CPNE8: variants seen among roughly 807,000 people sequenced by gnomAD.
The protein encoded by CPNE8 is copine 8, also known as copine-8.
A neutral mutation model predicts 81.5 loss-of-function variants in CPNE8; 45 were observed. That is an observed-to-expected ratio of 0.55 (90% CI 0.44 to 0.71). The LOEUF (loss-of-function observed/expected upper bound fraction) is 0.71, where lower values mean the gene tolerates loss of function less well. CPNE8 is among the 30% of genes least tolerant of loss of function. CPNE8 has a pLI of 0.00. For synonymous variants in CPNE8, 252 were observed against 226.3 expected, an observed-to-expected ratio of 1.11 and a Z score of -1.02; for missense variants, 594 against 672.1, an observed-to-expected ratio of 0.88 and a Z score of 1.28.
chr12:38,870,292 A>G (rs1318154982), intron 3 of CPNE8, among the ~76,000 whole-genome samples: 2 of 152,234 alleles, frequency 1.3e-5, no homozygotes, highest in Non-Finnish European at 2.9e-5. Context: ...TACTGGATAT[A>G]TACCCAAAGG....
chr12:38,799,572 T>C (rs937612245), intron 6 of CPNE8, among the ~76,000 whole-genome samples: 3 of 152,020 alleles, frequency 2.0e-5, no homozygotes, highest in East Asian at 1.9e-4. Context: ...TTTATAGCAC[T>C]AAATGCCCAC....
At chr12:38,878,607 G>A (rs750885992) in intron 1 of CPNE8, among the ~76,000 whole-genome samples, 1 of 152,150 alleles carries the variant, frequency 6.6e-6, no homozygotes, top group African/African-American at 2.4e-5. Context: ...AGTAGTTACT[G>A]AGTAGCCAAT....
At chr12:38,718,179 A>G (rs1039943811) in intron 13 of CPNE8, among the ~76,000 whole-genome samples, 3 of 152,166 alleles carry the variant, frequency 2.0e-5, no homozygotes, top group African/African-American at 7.2e-5. Flanking sequence ...CAGTGTCATC[A>G]GAGGGCATAA....
intron 13 of CPNE8, among the ~76,000 whole-genome samples, chr12:38,709,603 A>AC (rs1940197968): frequency 6.6e-6 from 1 of 152,186 alleles, no homozygotes; most frequent in African/African-American, 2.4e-5. Context: ...AAGGCCCATT[A>AC]AGTAGATGAC....
intron 17 of CPNE8, 66 bp downstream of exon 17, chr12:38,677,386 T>C (rs904309630): frequency 1.2e-6 from 1 of 853,186 alleles, no homozygotes; most frequent in Non-Finnish European, 2.0e-6. Context: ...GAATAGACTC[T>C]AGTCTCTCTC....
intron 3 of CPNE8, among the ~76,000 whole-genome samples, chr12:38,860,575 A>C (rs920237799): frequency 2.7e-5 from 4 of 146,282 alleles, no homozygotes; most frequent in Non-Finnish European, 4.5e-5. Flanking sequence ...AAAAAAAAAA[A>C]CTCAACGATC....
chr12:38,750,856 G>A (rs826867), intron 10 of CPNE8, among the ~76,000 whole-genome samples: 14,788 of 152,138 alleles, frequency 0.097, 926 homozygotes, highest in East Asian at 0.24. Flanking sequence ...TTTGAAATGT[G>A]AGGATATGAG....
intron 8 of CPNE8, among the ~76,000 whole-genome samples, chr12:38,766,640 T>C (rs1463863265): frequency 6.6e-6 from 1 of 152,058 alleles, no homozygotes; most frequent in Non-Finnish European, 1.5e-5. Flanking sequence ...CATTTGATAC[T>C]TATTATATAA....
intron 3 of CPNE8, among the ~76,000 whole-genome samples, chr12:38,866,270 G>C (rs191703156): frequency 1.2e-3 from 181 of 152,296 alleles, no homozygotes; most frequent in African/African-American, 4.1e-3. Context: ...CATATTGTGA[G>C]ACTCCTTCCA....
rs994661413 is a variant in CPNE8, at chr12:38,656,683, T to G, written c.1507-2613A>C. On this transcript the variant is annotated intron_variant, in intron 19 of 19. Coordinates refer to ENST00000331366, the MANE Select transcript of CPNE8 (RefSeq NM_153634.3). ...ATAAAATAAAAACCAGATGGCTTCA[T>G]GGCAAATTCCACCAAACTTTTAAAG... Among the ~76,000 whole-genome samples, 3 of 152,242 alleles carry G rather than the reference T, an allele frequency of 2.0e-5. No individual in the cohort carries two copies. The South Asian group carries it at 6.2e-4, about 31-fold the overall frequency.
chr12:38,674,032 G>C (rs1939235605), intron 18 of CPNE8, among the ~76,000 whole-genome samples: 1 of 152,000 alleles, frequency 6.6e-6, no homozygotes, highest in South Asian at 2.1e-4. Context: ...TGATCCGAAT[G>C]ATTCTTGCAT....
intron 12 of CPNE8, among the ~76,000 whole-genome samples, chr12:38,724,488 T>C (rs1237502831): frequency 6.6e-6 from 1 of 152,182 alleles, no homozygotes; most frequent in Non-Finnish European, 1.5e-5. Context: ...TTATTAAGTA[T>C]AGCCTATAAA....
intron 1 of CPNE8, among the ~76,000 whole-genome samples, chr12:38,900,435 A>G (rs1302913477): frequency 6.6e-6 from 1 of 152,214 alleles, no homozygotes; most frequent in Admixed American, 6.5e-5. Context: ...TTTACTAACT[A>G]CATATTCTGT....
chr12:38,807,038 T>C (rs1364258980), intron 6 of CPNE8, among the ~76,000 whole-genome samples: 2 of 151,966 alleles, frequency 1.3e-5, no homozygotes, highest in Non-Finnish European at 2.9e-5. Flanking sequence ...GTAATCCAAC[T>C]TACAAGGGAT....
intron 6 of CPNE8, among the ~76,000 whole-genome samples, chr12:38,779,160 A>G (rs1941994535): frequency 6.6e-6 from 1 of 152,176 alleles, no homozygotes; most frequent in Non-Finnish European, 1.5e-5. Context: ...ACACTTTACA[A>G]TGCTGAATAA....
chr12:38,750,263 G>C (rs1941326362), intron 10 of CPNE8, among the ~76,000 whole-genome samples: 1 of 152,192 alleles, frequency 6.6e-6, no homozygotes, highest in Non-Finnish European at 1.5e-5. Flanking sequence ...GGGTGCCTAG[G>C]AAGAAGTTTG....
At chr12:38,900,473 A>G (rs1453707554) in intron 1 of CPNE8, among the ~76,000 whole-genome samples, 1 of 152,228 alleles carries the variant, frequency 6.6e-6, no homozygotes, top group African/African-American at 2.4e-5. Context: ...GTACATGGAC[A>G]TGAAAGAGAC....
Position 38,659,983 on chromosome 12 carries a change from G to C in CPNE8, c.1507-5913C>G, listed in dbSNP as rs2136633495. ...TAAAAGAGGACACAAATAAATGGAAGAACATTCCATGCTCATGGTTAGGAA... is the reference window on the plus strand; with the variant it reads ...TAAAAGAGGACACAAATAAATGGAACAACATTCCATGCTCATGGTTAGGAA... On this transcript the variant is annotated intron_variant, in intron 19 of 19. Coordinates refer to ENST00000331366, the MANE Select transcript of CPNE8 (RefSeq NM_153634.3). 2.0e-5 allele frequency among the ~76,000 whole-genome samples: 3 copies of C among 152,194 alleles called. No homozygotes were observed. The East Asian group carries it at 5.8e-4, about 29-fold the overall frequency.
At chr12:38,766,605 A>G (rs1281104417) in intron 8 of CPNE8, among the ~76,000 whole-genome samples, 2 of 152,182 alleles carry the variant, frequency 1.3e-5, no homozygotes, top group African/African-American at 4.8e-5. Context: ...TTCACTGTGA[A>G]TAGCAAACTG....
Sources: allele counts gnomAD v4.1 joint callset (sites outside exome capture counted in the v4.1 genomes callset), GRCh38; gene constraint gnomAD v4.1.1; transcripts MANE v1.5; gene names NCBI Gene and HGNC (gene_info 2026-07-23, HGNC 2026-07-21).